GPC5: variants seen among roughly 807,000 people sequenced by gnomAD.
The protein encoded by GPC5 is glypican 5.
Under a neutral mutation model 53.9 loss-of-function variants are expected in GPC5, and 47 were observed. The observed-to-expected ratio is 0.87, with a 90% CI of 0.69 to 1.11. The LOEUF (loss-of-function observed/expected upper bound fraction) is 1.11, where lower values mean the gene tolerates loss of function less well. GPC5 is among the 50% of genes most tolerant of loss of function. GPC5 has a pLI of 0.00. For missense variants in GPC5, 748 were observed against 713.1 expected (o/e 1.05, Z -0.56); for synonymous variants, 286 against 263.3 (o/e 1.09, Z -0.84).
intron 7 of GPC5, among the ~76,000 whole-genome samples, chr13:92,757,249 A>T (rs924445438): frequency 6.6e-5 from 10 of 152,240 alleles, no homozygotes; most frequent in African/African-American, 1.9e-4. Flanking sequence ...CGTATTTAAT[A>T]AATGGTGCTG....
chr13:92,201,048 A>G (rs1282612070), intron 7 of GPC5, among the ~76,000 whole-genome samples: 1 of 151,610 alleles, frequency 6.6e-6, no homozygotes. Flanking sequence ...CTCTCTTCCT[A>G]TTCTTTCATC....
At chr13:92,578,080 A>G (rs1017561536) in intron 7 of GPC5, among the ~76,000 whole-genome samples, 3 of 152,160 alleles carry the variant, frequency 2.0e-5, no homozygotes, top group African/African-American at 4.8e-5. Context: ...TACTTACCAT[A>G]AGGTTGGCCA....
At position 92,582,042 on chromosome 13, in the gene GPC5, G is replaced by T. The variant is rs184811381; in HGVS notation, c.1562-284240G>T. Among the ~76,000 whole-genome samples the T allele has an allele frequency of 1.3e-3, 201 of 152,178 alleles. 2 individuals are homozygous for T. The highest frequency in any genetic ancestry group is 1.5e-4 in the Non-Finnish European group (10 of 67,988). ...TGACTGTTTCCTCGGCTATGCAGAAGCTTTTTAGTTTGATGCAATCCTCTT... is the reference window on the plus strand; with the variant it reads ...TGACTGTTTCCTCGGCTATGCAGAATCTTTTTAGTTTGATGCAATCCTCTT... On this transcript the variant is annotated intron_variant, in intron 7 of 7. Transcript: ENST00000377067.
chr13:92,533,671 G>T (rs568143545), intron 7 of GPC5, among the ~76,000 whole-genome samples: 1 of 152,192 alleles, frequency 6.6e-6, no homozygotes, highest in African/African-American at 2.4e-5. Context: ...TGTTTGAAAA[G>T]ATCTCATTGG....
intron 6 of GPC5, among the ~76,000 whole-genome samples, chr13:92,026,596 T>A (rs1392001250): frequency 6.6e-6 from 1 of 151,958 alleles, no homozygotes; most frequent in Non-Finnish European, 1.5e-5. Context: ...TATCCTATTT[T>A]ATAATTGAAT....
intron 6 of GPC5, among the ~76,000 whole-genome samples, chr13:92,067,352 C>A (rs1299018643): frequency 6.6e-6 from 1 of 152,026 alleles, no homozygotes; most frequent in Non-Finnish European, 1.5e-5. Context: ...CTTAAGAATG[C>A]AAGCTGGGTA....
chr13:92,515,262 T>C (rs1341875298), intron 7 of GPC5, among the ~76,000 whole-genome samples: 1 of 152,196 alleles, frequency 6.6e-6, no homozygotes, highest in Non-Finnish European at 1.5e-5. Context: ...CCCCAAAGAA[T>C]TTGTAACCAA....
intron 7 of GPC5, among the ~76,000 whole-genome samples, chr13:92,327,358 T>C (rs1234198287): frequency 6.6e-6 from 1 of 152,200 alleles, no homozygotes; most frequent in Non-Finnish European, 1.5e-5. Context: ...TGCTGTGTAT[T>C]ACACATGCTT....
At chr13:91,582,259 G>T (rs1227928267) in intron 2 of GPC5, among the ~76,000 whole-genome samples, 1 of 152,136 alleles carries the variant, frequency 6.6e-6, no homozygotes, top group Non-Finnish European at 1.5e-5. Context: ...AACAATCTCA[G>T]TTCCTGATTA....
chr13:92,168,504 G>A (rs1013775750), intron 7 of GPC5, among the ~76,000 whole-genome samples: 1 of 151,994 alleles, frequency 6.6e-6, no homozygotes, highest in Non-Finnish European at 1.5e-5. Context: ...AGCAAACAGT[G>A]CCATTAAAAA....
At chr13:91,432,184 A>ACTGCTGCTGCTGCTGCTGCTG (rs1260967783) in intron 1 of GPC5, among the ~76,000 whole-genome samples, 16 of 129,212 alleles carry the variant, frequency 1.2e-4, no homozygotes, top group African/African-American at 4.9e-4. Context: ...TGCTGCTTCC[A>ACTGCTGCTGCTGCTGCTGCTG]CTGCTGCTGC....
intron 3 of GPC5, among the ~76,000 whole-genome samples, chr13:91,725,513 A>T (rs760341517): frequency 2.2e-4 from 34 of 152,232 alleles, no homozygotes; most frequent in Non-Finnish European, 4.6e-4. Context: ...AATCTCCCTC[A>T]TAGCAAGTCA....
At chr13:92,370,781 T>C (rs2043643950) in intron 7 of GPC5, among the ~76,000 whole-genome samples, 1 of 152,224 alleles carries the variant, frequency 6.6e-6, no homozygotes, top group Non-Finnish European at 1.5e-5. Context: ...TAGTTTATTA[T>C]ATTTTGTTGG....
intron 7 of GPC5, among the ~76,000 whole-genome samples, chr13:92,748,537 G>C (rs1478585852): frequency 6.6e-6 from 1 of 151,714 alleles, no homozygotes; most frequent in African/African-American, 2.4e-5. Context: ...TGGCCAGGCT[G>C]GTCTTGAACT....
At chr13:92,243,022 T>C (rs1219195364) in intron 7 of GPC5, among the ~76,000 whole-genome samples, 2 of 152,234 alleles carry the variant, frequency 1.3e-5, no homozygotes, top group African/African-American at 2.4e-5. Context: ...TCTTGACTGA[T>C]AGTTTTCTCT....
chr13:92,459,250 G>T (rs1484046090), intron 7 of GPC5, among the ~76,000 whole-genome samples: 2 of 152,082 alleles, frequency 1.3e-5, no homozygotes, highest in Non-Finnish European at 2.9e-5. Flanking sequence ...AATTTTGATA[G>T]CACAAAGACA....
At chr13:92,239,297 G>A (rs2042592517) in intron 7 of GPC5, among the ~76,000 whole-genome samples, 1 of 151,804 alleles carries the variant, frequency 6.6e-6, no homozygotes, top group East Asian at 1.9e-4. Flanking sequence ...AAATAGGAGA[G>A]TTTTGCCATC....
At chr13:91,960,798 A>C (rs1460250962) in intron 6 of GPC5, among the ~76,000 whole-genome samples, 1 of 152,000 alleles carries the variant, frequency 6.6e-6, no homozygotes, top group African/African-American at 2.4e-5. Flanking sequence ...TGTCAAGAAC[A>C]TACACTGGGG....
At position 91,720,412 on chromosome 13, in the gene GPC5, T is replaced by C. The variant is rs181489437; in HGVS notation, c.1021-8120T>C. Among the ~76,000 whole-genome samples the C allele has an allele frequency of 5.9e-3, 894 of 152,270 alleles. 10 individuals carry two copies. Among genetic ancestry groups the C allele is most frequent in the African/African-American group, 0.02 (813 of 41,564 alleles). The stretch of plus-strand genomic sequence containing the variant: ...ATCATTTAATCTTTAAAAACAACAA[T>C]AAATGCTTTCTGCATTTGTAGTTTG... On this transcript the variant is annotated intron_variant, in intron 3 of 7. Transcript: ENST00000377067.
Sources: gnomAD v4.1 joint callset for allele counts (sites outside exome capture counted in the v4.1 genomes callset) on GRCh38, gnomAD v4.1.1 for gene constraint, MANE v1.5 for transcripts, NCBI Gene and HGNC (gene_info 2026-07-23, HGNC 2026-07-21) for gene names.